Variants in CDKL2 observed in about 807,000 individuals in gnomAD.
CDKL2 encodes the protein cyclin-dependent kinase-like 2.
Under a neutral mutation model 63.9 loss-of-function variants are expected in CDKL2, and 64 were observed. The ratio of observed to expected loss-of-function variants is 1.00; its 90% CI spans 0.82 to 1.23. CDKL2 has a LOEUF of 1.23. CDKL2 is among the 50% of genes most tolerant of loss of function. The pLI, the probability that CDKL2 is intolerant of heterozygous loss-of-function variation, is 0.00. For synonymous variants in CDKL2, 211 were observed against 229.2 expected (o/e 0.92, Z 0.72); for missense variants, 656 against 668.0 (o/e 0.98, Z 0.20).
Position 75,597,084 on chromosome 4 carries a change from T to G in CDKL2, c.1173A>C (p.Ser391=), listed in dbSNP as rs1728976457. 6.2e-7 allele frequency: 1 copy of G among 1,614,092 alleles called. No homozygotes were observed. Among genetic ancestry groups the G allele is most frequent in the South Asian group, 1.1e-5 (1 of 91,088 alleles). The change falls in exon 9 of 14, where the codon TCA becomes TCC. Residue 391 remains serine, a synonymous_variant. Transcript: ENST00000307465. ...CATTGCTGCAGTCTTTGAGGCTTGT[T>G]GAAGGCACTATTTTGTTGTGGCTTG... The part of the protein sequence containing the change: ...SRTSHNKIVP[S]TSLKDCSNVS...
At chr4:75,596,821 A>C in intron 9 of CDKL2, 114 bp downstream of exon 9, 1 of 890,030 alleles carries the variant, frequency 1.1e-6, no homozygotes, top group Non-Finnish European at 1.7e-6. Context: ...CCTGACAAGA[A>C]TGAATAGCAT....
chr4:75,612,094 C>T (rs1252970610), intron 3 of CDKL2, among the ~76,000 whole-genome samples: 1 of 152,092 alleles, frequency 6.6e-6, no homozygotes, highest in Admixed American at 6.5e-5. Flanking sequence ...CCTCAGCCTC[C>T]CAAGCAGCTG....
chr4:75,586,095 A>C (rs1219618942), intron 12 of CDKL2, among the ~76,000 whole-genome samples: 1 of 152,248 alleles, frequency 6.6e-6, no homozygotes, highest in Non-Finnish European at 1.5e-5. Flanking sequence ...AATGGAATTA[A>C]ATTACAAATT....
intron 4 of CDKL2, 32 bp downstream of exon 4, chr4:75,607,151 A>C: frequency 6.5e-7 from 1 of 1,550,026 alleles, no homozygotes; most frequent in Non-Finnish European, 8.8e-7. Flanking sequence ...GCAAGAGTAA[A>C]AATCTACTCC....
At chr4:75,592,952 A>C (rs1035534337) in intron 10 of CDKL2, among the ~76,000 whole-genome samples, 1 of 152,242 alleles carries the variant, frequency 6.6e-6, no homozygotes, top group Non-Finnish European at 1.5e-5. Context: ...ACACTTTTCC[A>C]ATATTTTTCA....
intron 1 of CDKL2, among the ~76,000 whole-genome samples, chr4:75,626,974 C>T (rs1439924067): frequency 1.3e-5 from 2 of 151,878 alleles, no homozygotes; most frequent in East Asian, 3.9e-4. Context: ...AAGGCGGAGG[C>T]GGGCAGATCA....
chr4:75,605,356 A>AACACACAC lies in CDKL2; in HGVS notation c.655+158_655+165dup, dbSNP rs140806852. ...CAAGGAGAGCGAAACTCCATCTCAA[A>AACACACAC]ACACACACACACACACACACACACA... On this transcript the variant is annotated intron_variant, in intron 5 of 13. Coordinates refer to ENST00000307465, the MANE Select transcript of CDKL2 (RefSeq NM_001330724.2). Among the ~76,000 whole-genome samples, 553 of 149,464 alleles carry AACACACAC rather than the reference A, an allele frequency of 3.7e-3. 3 individuals are homozygous for AACACACAC. Among genetic ancestry groups the AACACACAC allele is most frequent in the African/African-American group, 0.013 (532 of 40,724 alleles).
At chr4:75,628,223 C>A (rs1262886438) in intron 1 of CDKL2, among the ~76,000 whole-genome samples, 1 of 151,478 alleles carries the variant, frequency 6.6e-6, no homozygotes, top group African/African-American at 2.4e-5. Context: ...CCACGCCATT[C>A]TCCTGCCTCA....
intron 6 of CDKL2, among the ~76,000 whole-genome samples, chr4:75,601,512 TAA>T (rs553332423): frequency 3.2e-4 from 48 of 152,204 alleles, no homozygotes; most frequent in African/African-American, 1.0e-3. Context: ...CAAAAAAAGT[TAA>T]AGAGTGTAGA....
intron 13 of CDKL2, among the ~76,000 whole-genome samples, chr4:75,580,564 G>A (rs557867634): frequency 6.2e-4 from 94 of 151,340 alleles, no homozygotes; most frequent in African/African-American, 2.2e-3. Flanking sequence ...CTACTCAGGA[G>A]GCTGGGGTGG....
rs1171438581 is a variant in CDKL2, at chr4:75,578,183, AC to A, written c.*1018del. 2.0e-5 allele frequency: 3 copies of A among 152,178 alleles called. No homozygotes were observed. In the East Asian group the frequency reaches 5.8e-4, roughly 29 times the overall value. The allele number at this position is 152,178 out of a possible 1,614,324, so 9.4% of individuals were successfully genotyped here. On this transcript the variant is annotated 3_prime_UTR_variant, in exon 14 of 14. Transcript: ENST00000307465. ...GTGGAATGCAGGTAAATGATTTTGC[AC>A]CTTGGTGAAAAGCTTTTGAGACGGC...
At chr4:75,621,296 C>CAAAAAAAAAAAAAAAA in intron 2 of CDKL2, among the ~76,000 whole-genome samples, 1 of 129,118 alleles carries the variant, frequency 7.7e-6, no homozygotes, top group Non-Finnish European at 1.6e-5. Context: ...AATTAACAGA[C>CAAAAAAAAAAAAAAAA]AAAAAAAAAA....
At position 75,603,977 on chromosome 4, in the gene CDKL2, T is replaced by C. The variant is rs1441079999; in HGVS notation, c.656-21A>G. 3 of 1,592,674 alleles carry C rather than the reference T, an allele frequency of 1.9e-6. No homozygotes were observed. In the South Asian group the frequency reaches 3.4e-5, roughly 18 times the overall value. On this transcript the variant is annotated intron_variant, in intron 5 of 13. Coordinates refer to ENST00000307465, the MANE Select transcript of CDKL2 (RefSeq NM_001330724.2). ...ATTACCTGGAAGTGAAAACAGCACA[T>C]ATCTCTGTTATTATACAACATGATA...
At chr4:75,622,052 A>T (rs1030551130) in intron 2 of CDKL2, among the ~76,000 whole-genome samples, 1 of 152,136 alleles carries the variant, frequency 6.6e-6, no homozygotes, top group African/African-American at 2.4e-5. Flanking sequence ...TTTGCATGTA[A>T]AAGTACCTGT....
At chr4:75,611,552 G>A (rs1171518969) in intron 3 of CDKL2, among the ~76,000 whole-genome samples, 1 of 151,162 alleles carries the variant, frequency 6.6e-6, no homozygotes, top group Non-Finnish European at 1.5e-5. Context: ...TGAGACAAGT[G>A]TTCATAAGTT....
intron 4 of CDKL2, 145 bp from the exon 5 acceptor site, chr4:75,605,779 G>C: frequency 3.8e-6 from 2 of 521,146 alleles, no homozygotes; most frequent in Non-Finnish European, 6.9e-6. Flanking sequence ...ATGCTCCAAT[G>C]GTATAATGCA....
intron 2 of CDKL2, among the ~76,000 whole-genome samples, chr4:75,615,859 G>A (rs1164803582): frequency 2.6e-5 from 4 of 151,870 alleles, no homozygotes; most frequent in Admixed American, 6.6e-5. Flanking sequence ...GGTGTGGTTG[G>A]GCACACCTCT....
chr4:75,604,355 T>TTTA (rs1369099593), intron 5 of CDKL2, among the ~76,000 whole-genome samples: 1 of 152,232 alleles, frequency 6.6e-6, no homozygotes, highest in Non-Finnish European at 1.5e-5. Context: ...ATTTGAGCAC[T>TTTA]TTAATCTTTT....
At chr4:75,611,987 T>C (rs893376533) in intron 3 of CDKL2, among the ~76,000 whole-genome samples, 1 of 151,880 alleles carries the variant, frequency 6.6e-6, no homozygotes, top group Non-Finnish European at 1.5e-5. Context: ...TTTTTTGTTT[T>C]TGAGACAGAG....
Sources: gnomAD v4.1 joint callset for allele counts (sites outside exome capture counted in the v4.1 genomes callset) on GRCh38, gnomAD v4.1.1 for gene constraint, MANE v1.5 for transcripts, NCBI Gene and HGNC (gene_info 2026-07-23, HGNC 2026-07-21) for gene names.